The following CYP2C18 variants were observed in gnomAD, a reference collection of about 807,000 sequenced individuals.
The protein encoded by CYP2C18 is cytochrome P450 2C18.
Under a neutral mutation model 41.3 loss-of-function variants are expected in CYP2C18, and 38 were observed. The ratio of observed to expected loss-of-function variants is 0.92; its 90% confidence interval spans 0.71 to 1.21. The LOEUF (loss-of-function observed/expected upper bound fraction) is 1.21, where lower values mean the gene tolerates loss of function less well. Ranked by LOEUF, CYP2C18 falls within the 50% of genes most tolerant of loss-of-function variation. CYP2C18 has a pLI of 0.00. For missense variants in CYP2C18, 635 were observed against 591.4 expected, an observed-to-expected ratio of 1.07 and a Z score of -0.77; for synonymous variants, 236 against 210.0, an observed-to-expected ratio of 1.12 and a Z score of -1.07.
At chr10:94,705,204 C>T (rs1250264478) in intron 4 of CYP2C18, among the ~76,000 whole-genome samples, 3 of 152,258 alleles carry the variant, frequency 2.0e-5, no homozygotes, top group African/African-American at 7.2e-5. Context: ...AGATTATGTC[C>T]TTTGCAGGGA....
At chr10:94,711,913 C>A (rs1190946174) in intron 5 of CYP2C18, among the ~76,000 whole-genome samples, 1 of 151,536 alleles carries the variant, frequency 6.6e-6, no homozygotes, top group African/African-American at 2.4e-5. Context: ...ATGACCATAG[C>A]TCACTGCAGC....
rs374910213 is a variant in CYP2C18 at position 94,706,981 on chromosome 10, C to T, written c.819+21C>T. On this transcript the variant is annotated intron_variant, in intron 5 of 8. Coordinates refer to ENST00000285979, the MANE Select transcript of CYP2C18 (RefSeq NM_000772.3). ...AACAGGTAAAATGTTATTTGTTTGC[C>T]TGCATCTTGTGGTTCATTGATTAGT... is the stretch of plus-strand genomic sequence containing the variant. 4.4e-6 allele frequency: 7 copies of T among 1,595,394 alleles called. No individual in the cohort carries two copies. The South Asian group carries it at 8.0e-5, about 18-fold the overall frequency.
At chr10:94,706,992 G>C in intron 5 of CYP2C18, 32 bp downstream of exon 5, 1 of 1,583,460 alleles carries the variant, frequency 6.3e-7, no homozygotes, top group Non-Finnish European at 8.6e-7. Flanking sequence ...TGCATCTTGT[G>C]GTTCATTGAT....
intron 5 of CYP2C18, among the ~76,000 whole-genome samples, chr10:94,719,943 C>T (rs1025694832): frequency 5.9e-5 from 9 of 151,940 alleles, no homozygotes; most frequent in Non-Finnish European, 8.8e-5. Context: ...AACTCCAGAA[C>T]TCAAGTGATC....
chr10:94,698,579 G>A (rs568100925), intron 4 of CYP2C18, among the ~76,000 whole-genome samples: 4 of 152,220 alleles, frequency 2.6e-5, no homozygotes, highest in Admixed American at 2.0e-4. Flanking sequence ...AACTAGAGAA[G>A]CAAGAGCAAA....
At chr10:94,707,046 C>T (rs1402613426) in intron 5 of CYP2C18, 86 bp downstream of exon 5, 1 of 1,103,784 alleles carries the variant, frequency 9.1e-7, no homozygotes, top group African/African-American at 1.6e-5. Context: ...AGAAACACTT[C>T]ATGAGCACTT....
intron 4 of CYP2C18, among the ~76,000 whole-genome samples, chr10:94,704,302 G>C (rs1175177106): frequency 6.6e-6 from 1 of 151,770 alleles, no homozygotes; most frequent in African/African-American, 2.4e-5. Context: ...CCTCTCTTTA[G>C]GGTGTTTTGT....
In CYP2C18 at chr10:94,726,344, C is replaced by T. The variant is rs534814404; in HGVS notation, c.1149+1811C>T. Among the ~76,000 whole-genome samples, 25 of 152,140 alleles carry T rather than the reference C, an allele frequency of 1.6e-4. No individual in the cohort carries two copies. The East Asian group carries it at 4.8e-3, about 29-fold the overall frequency. ...GGTATTTCTCCTAATGTTATCCCTCCCCTAGCCCCAACATCCCCCACAGGC... is the reference window on the plus strand; with the variant it reads ...GGTATTTCTCCTAATGTTATCCCTCTCCTAGCCCCAACATCCCCCACAGGC... On this transcript the variant is annotated intron_variant, in intron 7 of 8. Coordinates refer to ENST00000285979, the MANE Select transcript of CYP2C18 (RefSeq NM_000772.3).
At chr10:94,714,798 TC>T in intron 5 of CYP2C18, among the ~76,000 whole-genome samples, 1 of 152,358 alleles carries the variant, frequency 6.6e-6, no homozygotes, top group South Asian at 2.1e-4. Flanking sequence ...AATTGTTTCT[TC>T]CTATCCGTAA....
intron 7 of CYP2C18, 124 bp from the exon 8 acceptor site, chr10:94,733,173 G>A: frequency 7.5e-6 from 7 of 937,238 alleles, no homozygotes; most frequent in Non-Finnish European, 9.6e-6. Flanking sequence ...GGGTGGGAAT[G>A]TAACTTCTTT....
At chr10:94,726,199 CA>C (rs572553257) in intron 7 of CYP2C18, among the ~76,000 whole-genome samples, 189 of 137,626 alleles carry the variant, frequency 1.4e-3, no homozygotes, top group African/African-American at 5.0e-3. Flanking sequence ...AATTTTTTTT[CA>C]ATTTTTTTTT....
chr10:94,731,900 G>T (rs981586765), intron 7 of CYP2C18, among the ~76,000 whole-genome samples: 10 of 152,186 alleles, frequency 6.6e-5, no homozygotes, highest in African/African-American at 2.4e-4. Context: ...CTGGGCATTG[G>T]CCTTGGGAAA....
intron 6 of CYP2C18, among the ~76,000 whole-genome samples, chr10:94,723,900 A>G (rs1181348013): frequency 5.3e-5 from 8 of 152,200 alleles, no homozygotes; most frequent in Non-Finnish European, 1.0e-4. Context: ...AGAGAATATC[A>G]TTTCAAGTTT....
At position 94,687,686 on chromosome 10, in the gene CYP2C18, T is replaced by A. The variant is rs1846915275; in HGVS notation, c.169-84T>A. On this transcript the variant is annotated intron_variant, in intron 1 of 8. Coordinates refer to ENST00000285979, the MANE Select transcript of CYP2C18 (RefSeq NM_000772.3). ...CAGAATAATCATAACAACATTATGA[T>A]GATAATATCAGTCTGAATCACGGAC... 3 of 1,136,698 alleles carry A rather than the reference T, an allele frequency of 2.6e-6. No individual in the cohort carries two copies. The South Asian group carries it at 4.5e-5, about 17-fold the overall frequency. 70.4% of individuals were successfully genotyped at this position (1,136,698 alleles called of 1,614,324 possible). A position where few individuals can be genotyped will look rare whatever the true frequency, so the allele number is the denominator to read the frequency against.
chr10:94,724,208 TA>T, intron 6 of CYP2C18, 137 bp from the exon 7 acceptor site: 1 of 813,638 alleles, frequency 1.2e-6, no homozygotes, highest in Non-Finnish European at 2.0e-6. Context: ...ATTTCTTCCC[TA>T]AGTCTAGGTG....
intron 8 of CYP2C18, among the ~76,000 whole-genome samples, chr10:94,734,040 T>G (rs1847878054): frequency 6.6e-6 from 1 of 152,006 alleles, no homozygotes; most frequent in African/African-American, 2.4e-5. Flanking sequence ...GGAAGGAAAC[T>G]TAAGCTGCCT....
rs150024605 is a variant in CYP2C18, at chr10:94,724,888, A to G, written c.1149+355A>G. Among the ~76,000 whole-genome samples the G allele has an allele frequency of 6.4e-3, 970 of 152,062 alleles. 7 individuals are homozygous for G. Among genetic ancestry groups the G allele is most frequent in the South Asian group, 0.01 (50 of 4,808 alleles). On this transcript the variant is annotated intron_variant, in intron 7 of 8. Coordinates refer to ENST00000285979, the MANE Select transcript of CYP2C18 (RefSeq NM_000772.3). ...TGACATTAAATCTTTAGATCAATTTAGAAATAATTGATGTCCTGACAGGTT... is the reference window on the plus strand; with the variant it reads ...TGACATTAAATCTTTAGATCAATTTGGAAATAATTGATGTCCTGACAGGTT...
chr10:94,694,474 T>TA (rs1564638731), intron 3 of CYP2C18, among the ~76,000 whole-genome samples: 3 of 152,210 alleles, frequency 2.0e-5, no homozygotes, highest in Non-Finnish European at 4.4e-5. Flanking sequence ...CACAGTTACT[T>TA]TAACTACTCG....
At chr10:94,700,645 C>T (rs1210489353) in intron 4 of CYP2C18, among the ~76,000 whole-genome samples, 1 of 152,174 alleles carries the variant, frequency 6.6e-6, no homozygotes, top group Non-Finnish European at 1.5e-5. Context: ...AACTAAAGAG[C>T]TTCTGCACAG....
Sources: allele counts gnomAD v4.1 joint callset (sites outside exome capture counted in the v4.1 genomes callset), GRCh38; gene constraint gnomAD v4.1.1; transcripts MANE v1.5; gene names NCBI Gene and HGNC (gene_info 2026-07-23, HGNC 2026-07-21).